SLC24A2: variants seen among roughly 807,000 people sequenced by gnomAD.
SLC24A2 encodes the protein sodium/potassium/calcium exchanger 2.
A neutral mutation model predicts 62.0 loss-of-function variants in SLC24A2; 36 were observed. That is an observed-to-expected ratio of 0.58 (90% CI 0.44 to 0.77). The LOEUF (loss-of-function observed/expected upper bound fraction) is 0.77, where lower values mean the gene tolerates loss of function less well. SLC24A2 is among the 30% of genes least tolerant of loss of function. The probability of loss-of-function intolerance (pLI) is 0.00; values close to 1 mark genes in which losing one functional copy is unlikely to be tolerated. For synonymous variants in SLC24A2, 358 were observed against 294.0 expected (o/e 1.22, Z -2.23); for missense variants, 846 against 817.9 (o/e 1.03, Z -0.42).
At chr9:20,015,484 G>A in the SLC24A2 span, among the ~76,000 whole-genome samples, 1 of 152,206 alleles carries the variant, frequency 6.6e-6, no homozygotes, top group Non-Finnish European at 1.5e-5. Flanking sequence ...TACAGCCTCT[G>A]ACCTTCTGAG....
At chr9:19,574,818 C>A (rs1586984798) in intron 6 of SLC24A2, among the ~76,000 whole-genome samples, 3 of 152,250 alleles carry the variant, frequency 2.0e-5, no homozygotes, top group African/African-American at 7.2e-5. Flanking sequence ...CTATTGAAAG[C>A]ACACACTCTG....
the SLC24A2 span, among the ~76,000 whole-genome samples, chr9:19,999,324 G>C: frequency 6.6e-6 from 1 of 152,082 alleles, no homozygotes; most frequent in Non-Finnish European, 1.5e-5. Flanking sequence ...CAGTTAATTG[G>C]GTGTCCTTGG....
the SLC24A2 span, chr9:19,927,526 C>T: frequency 6.6e-6 from 1 of 152,176 alleles, no homozygotes; most frequent in Admixed American, 6.5e-5. Flanking sequence ...TGAGGCAGAA[C>T]CTAGTTCTAA....
the SLC24A2 span, among the ~76,000 whole-genome samples, chr9:20,193,485 A>C: frequency 0.04 from 6,096 of 151,940 alleles, 411 homozygotes; most frequent in African/African-American, 0.14. Context: ...ACTTTCCCTT[A>C]AATAGAAATT....
the SLC24A2 span, among the ~76,000 whole-genome samples, chr9:20,019,251 AAG>A: frequency 7.9e-5 from 6 of 76,038 alleles, no homozygotes; most frequent in East Asian, 9.5e-4. Context: ...GAAAGAAGGA[AAG>A]AGAAAGAAAG....
At chr9:20,039,802 G>A in the SLC24A2 span, among the ~76,000 whole-genome samples, 3 of 152,178 alleles carry the variant, frequency 2.0e-5, no homozygotes, top group Non-Finnish European at 4.4e-5. Context: ...AGGCAGAGCT[G>A]GAACTGTAGG....
At chr9:20,268,466 T>C in the SLC24A2 span, among the ~76,000 whole-genome samples, 3 of 152,106 alleles carry the variant, frequency 2.0e-5, no homozygotes, top group Non-Finnish European at 2.9e-5. Flanking sequence ...AATGGATTAA[T>C]GGGTTATCAT....
the SLC24A2 span, among the ~76,000 whole-genome samples, chr9:19,852,742 G>T: frequency 6.6e-6 from 1 of 151,994 alleles, no homozygotes; most frequent in Non-Finnish European, 1.5e-5. Flanking sequence ...ACAATGAGGT[G>T]AAGTAAAATG....
the SLC24A2 span, among the ~76,000 whole-genome samples, chr9:19,887,885 A>G: frequency 6.6e-6 from 1 of 152,228 alleles, no homozygotes; most frequent in Non-Finnish European, 1.5e-5. Context: ...GAGACTATTA[A>G]GTGAAGTAAC....
the SLC24A2 span, among the ~76,000 whole-genome samples, chr9:19,885,006 G>A: frequency 6.6e-6 from 1 of 152,160 alleles, no homozygotes; most frequent in Admixed American, 6.5e-5. Flanking sequence ...GATGGGACTG[G>A]CCATACAGGA....
the SLC24A2 span, among the ~76,000 whole-genome samples, chr9:19,997,537 C>G: frequency 1.3e-5 from 2 of 152,136 alleles, no homozygotes; most frequent in East Asian, 1.9e-4. Context: ...ATTCAGCACA[C>G]TCTCAGCAAG....
At chr9:19,893,831 T>C in the SLC24A2 span, among the ~76,000 whole-genome samples, 33 of 152,246 alleles carry the variant, frequency 2.2e-4, no homozygotes, top group South Asian at 3.1e-3. Context: ...AATTGTCAAA[T>C]TGCACCTCAT....
the SLC24A2 span, among the ~76,000 whole-genome samples, chr9:19,835,460 A>G: frequency 2.0e-5 from 3 of 152,336 alleles, no homozygotes; most frequent in African/African-American, 7.2e-5. Context: ...AAACCAACGA[A>G]GATCAAAAGA....
intron 4 of SLC24A2, among the ~76,000 whole-genome samples, chr9:19,618,571 G>A (rs1329840898): frequency 6.6e-6 from 1 of 152,138 alleles, no homozygotes; most frequent in Non-Finnish European, 1.5e-5. Context: ...AGGTCCTTGG[G>A]AGCCACTCTT....
At chr9:19,888,078 A>G in the SLC24A2 span, among the ~76,000 whole-genome samples, 16 of 152,206 alleles carry the variant, frequency 1.1e-4, no homozygotes, top group African/African-American at 2.7e-4. Flanking sequence ...CCACTAAAGA[A>G]CTTATTCACG....
At chr9:19,687,965 G>C (rs1282899737) in intron 2 of SLC24A2, among the ~76,000 whole-genome samples, 2 of 152,002 alleles carry the variant, frequency 1.3e-5, no homozygotes, top group African/African-American at 4.8e-5. Context: ...TAAACACTCT[G>C]TACTTTCCAG....
In SLC24A2 at chr9:19,615,377, C is replaced by T. The variant is rs566147762; in HGVS notation, c.1078+4207G>A. The stretch of plus-strand genomic sequence containing the variant: ...TCATGCCATCAACTTGGTGATGTAA[C>T]TAGCATGCTCTTTGTTGTTAGAAGG... On this transcript the variant is annotated intron_variant, in intron 4 of 10. Transcript: ENST00000341998. Among the ~76,000 whole-genome samples the T allele has an allele frequency of 2.0e-5, 3 of 152,338 alleles. 1 individual carries two copies. Among genetic ancestry groups the T allele is most frequent in the South Asian group, 4.1e-4 (2 of 4,828 alleles).
At chr9:20,075,393 C>G in the SLC24A2 span, among the ~76,000 whole-genome samples, 1 of 152,156 alleles carries the variant, frequency 6.6e-6, no homozygotes, top group Non-Finnish European at 1.5e-5. Context: ...TAGTTAGCAG[C>G]AAAGTTCAAA....
In SLC24A2 at chr9:19,597,232, C is replaced by T. The variant is rs1836727131; in HGVS notation, c.1126G>A (p.Glu376Lys). The T allele has an allele frequency of 6.3e-7, 1 of 1,577,848 alleles. No homozygotes were observed. Among genetic ancestry groups the T allele is most frequent in the Non-Finnish European group, 8.7e-7 (1 of 1,147,220 alleles). Residue 376 changes from glutamate (E) to lysine (K), a missense_variant, in exon 5 of 11, where the codon GAA becomes AAA. Physicochemically the swap from Glu to Lys is moderately conservative, Grantham distance 56. Transcript: ENST00000341998. ...ACAATTCTAAAATCATTCTTACCTTCTTCAGTCATTGTGTCATAATATTTT... is the reference window on the plus strand; with the variant it reads ...ACAATTCTAAAATCATTCTTACCTTTTTCAGTCATTGTGTCATAATATTTT... Reference protein sequence around the residue: ...KLKYYDTMTEEGRFREKASIL... With the variant: ...KLKYYDTMTEKGRFREKASIL...
Sources: gnomAD v4.1 joint callset for allele counts (sites outside exome capture counted in the v4.1 genomes callset) on GRCh38, gnomAD v4.1.1 for gene constraint, MANE v1.5 for transcripts, NCBI Gene and HGNC (gene_info 2026-07-23, HGNC 2026-07-21) for gene names.